Variants in ATP8A2 observed in about 807,000 individuals in gnomAD.
ATP8A2 encodes phospholipid-transporting ATPase IB.
Under a neutral mutation model 165.6 loss-of-function variants are expected in ATP8A2, and 100 were observed. The ratio of observed to expected loss-of-function variants is 0.60; its 90% confidence interval spans 0.51 to 0.71. ATP8A2 has a LOEUF of 0.71. Ranked by LOEUF, ATP8A2 falls within the 30% of genes least tolerant of loss-of-function variation. ATP8A2 has a pLI of 0.00. For missense variants in ATP8A2, 1,227 were observed against 1,479.5 expected (o/e 0.83, Z 2.80); for synonymous variants, 543 against 548.8 (o/e 0.99, Z 0.15).
intron 25 of ATP8A2, among the ~76,000 whole-genome samples, chr13:25,759,013 AG>A (rs1374489758): frequency 2.0e-5 from 3 of 152,154 alleles, no homozygotes; most frequent in African/African-American, 7.2e-5. Context: ...GAAAGAAGGA[AG>A]GGGGGAGAGA....
chr13:25,391,045 C>T (rs571830862), intron 1 of ATP8A2, among the ~76,000 whole-genome samples: 4 of 152,110 alleles, frequency 2.6e-5, no homozygotes, highest in Non-Finnish European at 4.4e-5. Context: ...AGTTCCCCTG[C>T]TTCTTTGAGC....
At chr13:25,696,876 A>T (rs1251100488) in intron 24 of ATP8A2, among the ~76,000 whole-genome samples, 1 of 152,218 alleles carries the variant, frequency 6.6e-6, no homozygotes, top group African/African-American at 2.4e-5. Flanking sequence ...CTTTTGGCCT[A>T]TCTTCTTTTG....
At chr13:26,010,433 C>G (rs149394842) in intron 35 of ATP8A2, among the ~76,000 whole-genome samples, 2 of 152,218 alleles carry the variant, frequency 1.3e-5, no homozygotes, top group Non-Finnish European at 2.9e-5. Context: ...GTGTCAGTTG[C>G]CCATTATGTC....
At chr13:25,551,612 GT>G in intron 11 of ATP8A2, 109 bp downstream of exon 11, 1 of 1,035,246 alleles carries the variant, frequency 9.7e-7, no homozygotes, top group Non-Finnish European at 1.4e-6. Flanking sequence ...GTTCCCTTTG[GT>G]TACTGTACAT....
At chr13:25,606,303 G>A (rs573001949) in intron 24 of ATP8A2, among the ~76,000 whole-genome samples, 1 of 152,318 alleles carries the variant, frequency 6.6e-6, no homozygotes, top group Admixed American at 6.5e-5. Context: ...GGTAGTAGCT[G>A]TTGCTGACAC....
At chr13:25,982,832 C>T (rs2139261389) in intron 35 of ATP8A2, among the ~76,000 whole-genome samples, 1 of 152,284 alleles carries the variant, frequency 6.6e-6, no homozygotes, top group South Asian at 2.1e-4. Context: ...TTATATGGAT[C>T]TTCAGGCAAT....
rs1222212487 is a variant in ATP8A2 at position 25,546,514 on chromosome 13, CT to C, written c.891+3127del. On this transcript the variant is annotated intron_variant, in intron 10 of 36. Transcript: ENST00000381655. ...CTCAATTGCTGTCGGGTTCTTCTAC[CT>C]TTTTTTTTTTTTTTGAAGTCTCTCA... is the stretch of plus-strand genomic sequence containing the variant. Among the ~76,000 whole-genome samples the C allele has an allele frequency of 1.8e-3, 255 of 142,120 alleles. 1 individual carries two copies. The highest frequency in any genetic ancestry group is 2.9e-3 in the East Asian group (14 of 4,808). The allele number at this position is 142,120 out of a possible 152,430, so 93.2% of individuals were successfully genotyped here.
intron 24 of ATP8A2, among the ~76,000 whole-genome samples, chr13:25,651,372 G>T (rs2041807962): frequency 6.6e-6 from 1 of 152,042 alleles, no homozygotes; most frequent in Non-Finnish European, 1.5e-5. Flanking sequence ...GAACTCGGGA[G>T]GCAGAGATTG....
chr13:25,630,467 G>A (rs1274778405), intron 24 of ATP8A2, among the ~76,000 whole-genome samples: 2 of 152,086 alleles, frequency 1.3e-5, no homozygotes, highest in Non-Finnish European at 1.5e-5. Flanking sequence ...AGTTTTCCCT[G>A]CCAGTGTGCC....
At chr13:25,423,109 A>G (rs536066318) in intron 1 of ATP8A2, among the ~76,000 whole-genome samples, 14 of 152,292 alleles carry the variant, frequency 9.2e-5, no homozygotes, top group African/African-American at 3.4e-4. Flanking sequence ...GACGGAAGGC[A>G]TCAACTTCCA....
At chr13:25,738,790 T>C (rs373092840) in intron 25 of ATP8A2, among the ~76,000 whole-genome samples, 74 of 152,390 alleles carry the variant, frequency 4.9e-4, no homozygotes, top group East Asian at 3.1e-3. Flanking sequence ...GTTGTTTGTT[T>C]CTTCTAATGA....
chr13:25,437,206 GTCT>G (rs2034805593), intron 1 of ATP8A2, among the ~76,000 whole-genome samples: 1 of 152,114 alleles, frequency 6.6e-6, no homozygotes, highest in South Asian at 2.1e-4. Context: ...CTGCTTATAT[GTCT>G]TCTTTTGAGA....
At chr13:25,401,711 G>A (rs926272034) in intron 1 of ATP8A2, among the ~76,000 whole-genome samples, 6 of 152,046 alleles carry the variant, frequency 3.9e-5, no homozygotes, top group East Asian at 1.9e-4. Flanking sequence ...GGATGGTACC[G>A]AAATCTATAA....
chr13:25,749,099 T>C (rs1035318496), intron 25 of ATP8A2, among the ~76,000 whole-genome samples: 3 of 152,190 alleles, frequency 2.0e-5, no homozygotes, highest in Non-Finnish European at 2.9e-5. Flanking sequence ...TTGTGGATCC[T>C]TAGGTTGTTT....
intron 33 of ATP8A2, among the ~76,000 whole-genome samples, chr13:25,920,141 C>A (rs1323087647): frequency 6.6e-6 from 1 of 152,146 alleles, no homozygotes; most frequent in East Asian, 1.9e-4. Flanking sequence ...TCTTCAGATT[C>A]TTTTTGTGTT....
chr13:25,567,819 AT>A (rs1566278414), intron 16 of ATP8A2, among the ~76,000 whole-genome samples: 1 of 152,052 alleles, frequency 6.6e-6, no homozygotes, highest in East Asian at 1.9e-4. Context: ...AGGCTCCAAT[AT>A]TTTTCTTTGG....
intron 24 of ATP8A2, among the ~76,000 whole-genome samples, chr13:25,661,844 A>G (rs566958575): frequency 6.6e-6 from 1 of 152,346 alleles, no homozygotes; most frequent in South Asian, 2.1e-4. Flanking sequence ...ACATGAGTAG[A>G]AAGGATGAGA....
intron 24 of ATP8A2, among the ~76,000 whole-genome samples, chr13:25,656,110 G>A (rs1337687728): frequency 6.6e-6 from 1 of 152,080 alleles, no homozygotes; most frequent in Admixed American, 6.5e-5. Flanking sequence ...CTATGCCTTC[G>A]TGTCCTTTTT....
In ATP8A2 at chr13:25,953,538, A is replaced by C. The variant is rs914016609; in HGVS notation, c.3184-8037A>C. Among the ~76,000 whole-genome samples the C allele has an allele frequency of 7.8e-5, 11 of 141,694 alleles. No individual in the cohort carries two copies. Among genetic ancestry groups the C allele is most frequent in the African/African-American group, 2.9e-4 (11 of 37,682 alleles). The allele number at this position is 141,694 out of a possible 152,430, so 93.0% of individuals were successfully genotyped here. A position where few individuals can be genotyped will look rare whatever the true frequency, so the allele number is the denominator to read the frequency against. On this transcript the variant is annotated intron_variant, in intron 33 of 36. Transcript: ENST00000381655. This position sits in a 1 kb window ranked among gnomAD's most constrained non-coding sequence, Gnocchi z 6.7. ...CAGCCTTTTTAAAAAAAAAAAAAAA[A>C]AAAAAAAAGCAAGGGAAATAGGCAA...
Sources: gnomAD v4.1 joint callset for allele counts (sites outside exome capture counted in the v4.1 genomes callset) on GRCh38, gnomAD v4.1.1 for gene constraint, Gnocchi (gnomAD v3.1) non-coding constraint, MANE v1.5 for transcripts, NCBI Gene and HGNC (gene_info 2026-07-23, HGNC 2026-07-21) for gene names.